TK2: variants seen among roughly 807,000 people sequenced by gnomAD.
The protein encoded by TK2 is thymidine kinase 2, mitochondrial.
Under a neutral mutation model 41.9 loss-of-function variants are expected in TK2, and 35 were observed. The ratio of observed to expected loss-of-function variants is 0.84; its 90% CI spans 0.64 to 1.11. The LOEUF (loss-of-function observed/expected upper bound fraction) is 1.11. TK2 is among the 50% of genes least tolerant of loss of function. The pLI, the probability that TK2 is intolerant of heterozygous loss-of-function variation, is 0.00. For synonymous variants in TK2, 128 were observed against 129.1 expected, an observed-to-expected ratio of 0.99 and a Z score of 0.06; for missense variants, 320 against 351.1, an observed-to-expected ratio of 0.91 and a Z score of 0.71.
intron 4 of TK2, among the ~76,000 whole-genome samples, chr16:66,534,305 A>G (rs1313261945): frequency 6.6e-6 from 1 of 152,208 alleles, no homozygotes; most frequent in Non-Finnish European, 1.5e-5. Flanking sequence ...AATTCAAAAA[A>G]TAAAATAAAA....
chr16:66,518,768 C>T (rs1964690658), intron 6 of TK2, among the ~76,000 whole-genome samples: 1 of 152,120 alleles, frequency 6.6e-6, no homozygotes, highest in Non-Finnish European at 1.5e-5. Context: ...AAAGTATTCA[C>T]CAATGCATCT....
At chr16:66,518,992 C>T (rs1764395823) in intron 6 of TK2, among the ~76,000 whole-genome samples, 1 of 151,472 alleles carries the variant, frequency 6.6e-6, no homozygotes, top group South Asian at 2.1e-4. Flanking sequence ...GACGTAGTGT[C>T]GCTCTGTCGC....
chr16:66,534,330 G>A (rs1331007140), intron 4 of TK2, among the ~76,000 whole-genome samples: 2 of 152,190 alleles, frequency 1.3e-5, no homozygotes, highest in Non-Finnish European at 2.9e-5. Context: ...CAAGGAACAT[G>A]CGTTCAAGTC....
Position 66,536,961 on chromosome 16 carries a change from C to T in TK2, c.285+3G>A, listed in dbSNP as rs897332122. On this transcript the variant is annotated splice_donor_region_variant and intron_variant, in intron 4 of 9. Transcript: ENST00000544898. ...GGGTTCATGCAACCAACAACCCACT[C>T]ACCAGAGGATTGTGGCCACGGACAT... The T allele has an allele frequency of 1.9e-6, 3 of 1,614,020 alleles. No homozygotes were observed. The highest frequency in any genetic ancestry group is 2.7e-5 in the African/African-American group (2 of 74,908).
intron 2 of TK2, among the ~76,000 whole-genome samples, chr16:66,543,926 C>T (rs1376862116): frequency 6.6e-6 from 1 of 152,146 alleles, no homozygotes; most frequent in Non-Finnish European, 1.5e-5. Context: ...AGGGAATGAA[C>T]AAAAGGGCAT....
chr16:66,537,047 G>C (rs1965307212), intron 3 of TK2, 30 bp from the exon 4 acceptor site: 2 of 1,613,402 alleles, frequency 1.2e-6, no homozygotes, highest in Non-Finnish European at 1.7e-6. Flanking sequence ...CAGAGCTACT[G>C]TTTCTCTGTG....
chr16:66,549,124 A>G, intron 1 of TK2, 115 bp from the exon 2 acceptor site: 1 of 1,561,436 alleles, frequency 6.4e-7, no homozygotes, highest in Non-Finnish European at 8.7e-7. Context: ...TGGCCTAAAA[A>G]CATTTTCCAT....
In TK2 at chr16:66,537,030, A is replaced by G. The variant is rs780522009; in HGVS notation, c.232-13T>C. On this transcript the variant is annotated splice_polypyrimidine_tract_variant and intron_variant, in intron 3 of 9. Transcript: ENST00000544898. ...GCTCCGTTAACACCTGGAAGGAAAGAAAACATCAGAGCTACTGTTTCTCTG... is the reference window on the plus strand; with the variant it reads ...GCTCCGTTAACACCTGGAAGGAAAGGAAACATCAGAGCTACTGTTTCTCTG... 3.7e-6 allele frequency: 6 copies of G among 1,614,152 alleles called. No individual in the cohort carries two copies. The highest frequency in any genetic ancestry group is 5.1e-6 in the Non-Finnish European group (6 of 1,180,014).
At position 66,509,297 on chromosome 16, in the gene TK2, C is replaced by T. The variant is rs1222574856; in HGVS notation, c.*2671G>A. 6.6e-6 allele frequency: 1 copy of T among 152,250 alleles called. No homozygotes were observed. Among genetic ancestry groups the T allele is most frequent in the Non-Finnish European group, 1.5e-5 (1 of 68,210 alleles). 9.4% of individuals were successfully genotyped at this position (152,250 alleles called of 1,614,324 possible). A position where few individuals can be genotyped will look rare whatever the true frequency, so the allele number is the denominator to read the frequency against. On this transcript the variant is annotated 3_prime_UTR_variant, in exon 10 of 10. Transcript: ENST00000544898. ...AGGAAGCCAGGAGCCAAGAGGTGGA[C>T]CCAAAAGAGAAAGGTGGGAAGAGCC...
At chr16:66,520,521 G>C (rs756239029) in intron 6 of TK2, among the ~76,000 whole-genome samples, 1 of 152,174 alleles carries the variant, frequency 6.6e-6, no homozygotes, top group Admixed American at 6.5e-5. Context: ...TTAGGCAGGC[G>C]TGAGGGAGGT....
intron 6 of TK2, among the ~76,000 whole-genome samples, chr16:66,523,437 T>A (rs1964838770): frequency 6.6e-6 from 1 of 152,216 alleles, no homozygotes. Flanking sequence ...ATTCTAGGTA[T>A]GGGCAAAGGA....
At chr16:66,526,972 G>A (rs760045876) in intron 6 of TK2, among the ~76,000 whole-genome samples, 6 of 152,188 alleles carry the variant, frequency 3.9e-5, no homozygotes, top group Non-Finnish European at 8.8e-5. Flanking sequence ...TGCAACCTCC[G>A]CCTCGGGTTA....
intron 2 of TK2, among the ~76,000 whole-genome samples, chr16:66,547,059 G>A (rs969651939): frequency 6.6e-6 from 1 of 152,120 alleles, no homozygotes; most frequent in African/African-American, 2.4e-5. Context: ...GGCCCTGTTG[G>A]ATGTTAAGTT....
In TK2 at chr16:66,547,886, C is replaced by T. The variant is rs1965656966; in HGVS notation, c.156+1092G>A. 6 of 1,254,978 alleles carry T rather than the reference C, an allele frequency of 4.8e-6. No homozygotes were observed. In the South Asian group the frequency reaches 7.9e-5, roughly 17 times the overall value. The allele number at this position is 1,254,978 out of a possible 1,614,324, so 77.7% of individuals were successfully genotyped here. ...ATTGTGTGTCTGGGGGCACATCAAA[C>T]CACACCCAAAAAGCACAAAGAACAG... On this transcript the variant is annotated intron_variant, in intron 2 of 9. Transcript: ENST00000544898.
Position 66,517,752 on chromosome 16 carries a change from A to C in TK2, c.538+37T>G. On this transcript the variant is annotated intron_variant, in intron 7 of 9. Coordinates refer to ENST00000544898, the MANE Select transcript of TK2 (RefSeq NM_004614.5). This position sits in a 1 kb window ranked among gnomAD's most constrained non-coding sequence, Gnocchi z 4.3. The stretch of plus-strand genomic sequence containing the variant: ...AGCACATCCTCAAGGGACCCAGGAG[A>C]GAGACAAGAGAGGGAGGTGGGAGGG... 4.4e-6 allele frequency: 7 copies of C among 1,596,832 alleles called. No homozygotes were observed. The highest frequency in any genetic ancestry group is 6.0e-6 in the Non-Finnish European group (7 of 1,164,284).
chr16:66,539,113 G>A (rs973846743), intron 3 of TK2, among the ~76,000 whole-genome samples: 5 of 152,098 alleles, frequency 3.3e-5, no homozygotes, highest in South Asian at 2.1e-4. Flanking sequence ...GTTGTTAATC[G>A]GGTCCAAGGT....
At position 66,517,926 on chromosome 16, in the gene TK2, G is replaced by A. The variant is rs1475829141; in HGVS notation, c.450-49C>T. 2 of 1,487,082 alleles carry A rather than the reference G, an allele frequency of 1.3e-6. No homozygotes were observed. The highest frequency in any genetic ancestry group is 1.9e-6 in the Non-Finnish European group (2 of 1,064,180). 92.1% of individuals were successfully genotyped at this position (1,487,082 alleles called of 1,614,324 possible). ...TATTCACCTAAGAGAAAACTTCTGG[G>A]CTATGCAATTCCCCCAAAAGGATCT... is the stretch of plus-strand genomic sequence containing the variant. On this transcript the variant is annotated intron_variant, in intron 6 of 9. Coordinates refer to ENST00000544898, the MANE Select transcript of TK2 (RefSeq NM_004614.5). The surrounding 1 kb of genome is among the most constrained non-coding windows in gnomAD (Gnocchi z 4.3).
intron 6 of TK2, among the ~76,000 whole-genome samples, chr16:66,522,676 G>GA (rs1471745265): frequency 6.6e-6 from 1 of 152,146 alleles, no homozygotes; most frequent in African/African-American, 2.4e-5. Context: ...AGACTAGCCT[G>GA]ACCACCATGG....
intron 3 of TK2, among the ~76,000 whole-genome samples, chr16:66,537,328 T>C (rs1006958240): frequency 1.3e-5 from 2 of 152,236 alleles, no homozygotes; most frequent in Non-Finnish European, 2.9e-5. Context: ...GAGCTGGCTC[T>C]GTCCATCCCT....
Sources: gnomAD v4.1 joint callset for allele counts (sites outside exome capture counted in the v4.1 genomes callset) on GRCh38, gnomAD v4.1.1 for gene constraint, Gnocchi (gnomAD v3.1) non-coding constraint, MANE v1.5 for transcripts, NCBI Gene and HGNC (gene_info 2026-07-23, HGNC 2026-07-21) for gene names.